Variants in STXBP5L observed in about 807,000 individuals in gnomAD.
STXBP5L encodes the protein syntaxin binding protein 5L.
In STXBP5L, 65 loss-of-function variants were observed where a neutral mutation model predicts 144.5. That is an observed-to-expected ratio of 0.45 (90% confidence interval 0.37 to 0.55). The LOEUF (loss-of-function observed/expected upper bound fraction) is 0.55. Among genes scored for constraint, STXBP5L ranks in the 20% least tolerant of loss-of-function variants. The probability of loss-of-function intolerance (pLI) is 0.00; values close to 1 mark genes in which losing one functional copy is unlikely to be tolerated. For missense variants in STXBP5L, 1,298 were observed against 1,405.5 expected, an observed-to-expected ratio of 0.92 and a Z score of 1.22; for synonymous variants, 505 against 469.6, an observed-to-expected ratio of 1.08 and a Z score of -0.97.
chr3:120,991,369 T>A (rs1404793624), intron 3 of STXBP5L, among the ~76,000 whole-genome samples: 1 of 151,556 alleles, frequency 6.6e-6, no homozygotes, highest in Non-Finnish European at 1.5e-5. Flanking sequence ...AGGAACACTT[T>A]TACAGTGGTG....
intron 3 of STXBP5L, among the ~76,000 whole-genome samples, chr3:121,021,230 TAC>T (rs1207860113): frequency 6.6e-6 from 1 of 152,110 alleles, no homozygotes; most frequent in East Asian, 1.9e-4. Flanking sequence ...ATCCTAAATA[TAC>T]AGGCAACCCA....
intron 5 of STXBP5L, among the ~76,000 whole-genome samples, chr3:121,089,092 T>TAAAAA (rs375977537): frequency 6.6e-4 from 37 of 56,140 alleles, no homozygotes; most frequent in Non-Finnish European, 9.3e-4. Context: ...TAGAGTATAA[T>TAAAAA]AAAAAAAAAA....
intron 9 of STXBP5L, among the ~76,000 whole-genome samples, chr3:121,202,085 G>A (rs1165240082): frequency 1.3e-5 from 2 of 151,862 alleles, no homozygotes; most frequent in Admixed American, 6.6e-5. Context: ...CCAATTTTTT[G>A]TTATATGTTT....
chr3:121,258,815 A>G (rs2050292657), intron 17 of STXBP5L, among the ~76,000 whole-genome samples: 1 of 152,196 alleles, frequency 6.6e-6, no homozygotes, highest in South Asian at 2.1e-4. Context: ...GATAAAGGCC[A>G]GTTGAAGTTG....
chr3:121,184,555 C>T lies in STXBP5L; in HGVS notation c.878-21368C>T, dbSNP rs940698966. Among the ~76,000 whole-genome samples, 10 of 151,766 alleles carry T rather than the reference C, an allele frequency of 6.6e-5. No homozygotes were observed. The East Asian group carries it at 1.4e-3, about 21-fold the overall frequency. ...AAATGAACAAAGCCTCCAAGAAATA[C>T]GGGACTGTGTGAAAAGACCAAATCT... On this transcript the variant is annotated intron_variant, in intron 9 of 26. Transcript: ENST00000471454.
intron 20 of STXBP5L, among the ~76,000 whole-genome samples, chr3:121,325,203 A>T (rs969629203): frequency 2.6e-5 from 4 of 152,074 alleles, no homozygotes. Context: ...TCGCAAAATG[A>T]CTGTGGCCAG....
chr3:121,237,189 A>T (rs907727292), intron 12 of STXBP5L, among the ~76,000 whole-genome samples: 1 of 152,148 alleles, frequency 6.6e-6, no homozygotes, highest in Non-Finnish European at 1.5e-5. Context: ...AGGCTTTTTG[A>T]TATATCCTCT....
At chr3:121,028,697 A>G (rs1045167510) in intron 3 of STXBP5L, among the ~76,000 whole-genome samples, 9 of 152,096 alleles carry the variant, frequency 5.9e-5, no homozygotes, top group African/African-American at 2.2e-4. Context: ...TAGCAAAGAA[A>G]ATAAAAGAAA....
At chr3:121,012,663 T>G (rs1944865763) in intron 3 of STXBP5L, among the ~76,000 whole-genome samples, 1 of 151,814 alleles carries the variant, frequency 6.6e-6, no homozygotes, top group Non-Finnish European at 1.5e-5. Flanking sequence ...TTGCTCAGTT[T>G]TATTTGGGTA....
chr3:120,973,637 C>T (rs572071839), intron 3 of STXBP5L, among the ~76,000 whole-genome samples: 84 of 152,054 alleles, frequency 5.5e-4, no homozygotes, highest in Middle Eastern at 3.4e-3. Flanking sequence ...TGGTGTGCTG[C>T]ACCCATTAAC....
In STXBP5L at chr3:121,371,099, G is replaced by A. The variant is rs553021572; in HGVS notation, c.2177-7617G>A. On this transcript the variant is annotated intron_variant, in intron 20 of 26. Coordinates refer to ENST00000471454, the MANE Select transcript of STXBP5L (RefSeq NM_001308330.2). ...GAAGACACTGGCTTTTTGAGTGGTCGGAGTTCTTGCAGTAGTTCTTTCTCA... is the reference window on the plus strand; with the variant it reads ...GAAGACACTGGCTTTTTGAGTGGTCAGAGTTCTTGCAGTAGTTCTTTCTCA... Among the ~76,000 whole-genome samples, 9 of 152,286 alleles carry A rather than the reference G, an allele frequency of 5.9e-5. No homozygotes were observed. The South Asian group carries it at 6.2e-4, about 11-fold the overall frequency.
intron 2 of STXBP5L, among the ~76,000 whole-genome samples, chr3:120,934,274 G>C (rs1710136344): frequency 6.6e-6 from 1 of 151,924 alleles, no homozygotes; most frequent in East Asian, 1.9e-4. Flanking sequence ...TTAGAAGTGT[G>C]TTGTCTAATC....
At chr3:120,987,472 T>G (rs1942396080) in intron 3 of STXBP5L, among the ~76,000 whole-genome samples, 1 of 151,942 alleles carries the variant, frequency 6.6e-6, no homozygotes, top group Non-Finnish European at 1.5e-5. Flanking sequence ...TATTTCTTTT[T>G]TGTAAAGTTG....
intron 20 of STXBP5L, among the ~76,000 whole-genome samples, chr3:121,341,579 G>A (rs2044714855): frequency 6.6e-6 from 1 of 151,938 alleles, no homozygotes; most frequent in Admixed American, 6.6e-5. Flanking sequence ...ATATATTGCA[G>A]CACTATTCAC....
chr3:121,301,819 A>C (rs377390905), intron 19 of STXBP5L, among the ~76,000 whole-genome samples: 1 of 152,064 alleles, frequency 6.6e-6, no homozygotes, highest in Admixed American at 6.6e-5. Context: ...GGTTTTTGTC[A>C]TTGGTTCTGT....
intron 22 of STXBP5L, among the ~76,000 whole-genome samples, chr3:121,387,894 TG>T (rs2046467126): frequency 6.6e-6 from 1 of 152,214 alleles, no homozygotes. Flanking sequence ...GGCTCTTTTT[TG>T]GTTCCATATG....
intron 22 of STXBP5L, among the ~76,000 whole-genome samples, chr3:121,382,373 T>G (rs188587534): frequency 6.6e-4 from 100 of 152,170 alleles, no homozygotes; most frequent in Non-Finnish European, 1.0e-3. Context: ...ATGTGGCAAA[T>G]TCAGATTTGT....
chr3:121,039,897 A>G (rs944161581), intron 3 of STXBP5L, among the ~76,000 whole-genome samples: 1 of 151,888 alleles, frequency 6.6e-6, no homozygotes. Context: ...TTTCAAGTTC[A>G]CTAATCCTCA....
intron 3 of STXBP5L, among the ~76,000 whole-genome samples, chr3:121,040,392 G>T (rs1399171932): frequency 1.3e-5 from 2 of 152,040 alleles, no homozygotes; most frequent in South Asian, 2.1e-4. Flanking sequence ...AATTCTGAGG[G>T]TTTGCACTTT....
Sources: gnomAD v4.1 joint callset for allele counts (sites outside exome capture counted in the v4.1 genomes callset) on GRCh38, gnomAD v4.1.1 for gene constraint, MANE v1.5 for transcripts, NCBI Gene and HGNC (gene_info 2026-07-23, HGNC 2026-07-21) for gene names.